The following PRKN variants were observed in gnomAD, a reference collection of about 807,000 sequenced individuals.
PRKN encodes E3 ubiquitin-protein ligase parkin.
A neutral mutation model predicts 59.5 loss-of-function variants in PRKN; 56 were observed. The ratio of observed to expected loss-of-function variants is 0.94; its 90% CI spans 0.76 to 1.18. PRKN has a LOEUF of 1.18. Ranked by LOEUF, PRKN falls within the 50% of genes most tolerant of loss-of-function variation. The pLI, the probability that PRKN is intolerant of heterozygous loss-of-function variation, is 0.00. For synonymous variants in PRKN, 250 were observed against 222.1 expected (o/e 1.13, Z -1.12); for missense variants, 657 against 596.4 (o/e 1.10, Z -1.06).
rs189956405 is a variant in PRKN at position 161,376,846 on chromosome 6, A to G, written c.1167+9948T>C. ...GACACTCCCTGCCTGCAAGTCTCAG[A>G]GCCTGTTCTCCTGGGAACCTATAAC... On this transcript the variant is annotated intron_variant, in intron 10 of 11. Transcript: ENST00000366898. The surrounding 1 kb of genome is among the most constrained non-coding windows in gnomAD (Gnocchi z 7.3). 5.4e-4 allele frequency among the ~76,000 whole-genome samples: 83 copies of G among 152,296 alleles called. 1 individual carries two copies. Among genetic ancestry groups the G allele is most frequent in the Non-Finnish European group, 8.8e-5 (6 of 68,030 alleles).
intron 6 of PRKN, among the ~76,000 whole-genome samples, chr6:161,946,497 C>G (rs1779789611): frequency 6.6e-6 from 1 of 151,040 alleles, no homozygotes; most frequent in African/African-American, 2.4e-5. Context: ...CCATAGAATC[C>G]TCAAATGCAT....
chr6:161,895,457 G>A (rs1777578227), intron 6 of PRKN, among the ~76,000 whole-genome samples: 1 of 151,308 alleles, frequency 6.6e-6, no homozygotes. Context: ...GGTCCCCCTG[G>A]GGAGCCAAAC....
intron 7 of PRKN, among the ~76,000 whole-genome samples, chr6:161,736,687 T>C (rs1224620002): frequency 2.6e-5 from 4 of 152,158 alleles, no homozygotes; most frequent in Non-Finnish European, 4.4e-5. Context: ...GAACCCAAGA[T>C]TCCTAAGACA....
At chr6:162,727,064 CTT>C (rs1266863374) in intron 1 of PRKN, 2 of 152,058 alleles carry the variant, frequency 1.3e-5, no homozygotes, top group African/African-American at 4.8e-5. Flanking sequence ...ACTATTTACT[CTT>C]AATGTTTCTT....
chr6:161,943,863 A>AGCCTCAGGGATTG (rs1779662412), intron 6 of PRKN, among the ~76,000 whole-genome samples: 2 of 148,582 alleles, frequency 1.3e-5, no homozygotes, highest in South Asian at 2.2e-4. Context: ...CTGAGGAAGC[A>AGCCTCAGGGATTG]GCCTGAGGAA....
Position 161,456,610 on chromosome 6 carries a change from C to T in PRKN, c.1084-69733G>A, listed in dbSNP as rs1187966277. ...AATTAGTTCTGTCCCTCTAGAGAAC[C>T]CTGACTAATAATCTCCCACATCACC... On this transcript the variant is annotated intron_variant, in intron 9 of 11. Transcript: ENST00000366898. The surrounding 1 kb of genome is among the most constrained non-coding windows in gnomAD (Gnocchi z 4.8). Among the ~76,000 whole-genome samples the T allele has an allele frequency of 6.8e-6, 1 of 147,508 alleles. No homozygotes were observed. The highest frequency in any genetic ancestry group is 1.5e-5 in the Non-Finnish European group (1 of 66,668).
chr6:161,764,260 C>G (rs1789329876), intron 7 of PRKN, among the ~76,000 whole-genome samples: 2 of 152,124 alleles, frequency 1.3e-5, no homozygotes, highest in Admixed American at 1.3e-4. Context: ...TCTGAAACCC[C>G]CACTGAATTG....
chr6:162,129,350 G>T (rs553423639), intron 4 of PRKN, among the ~76,000 whole-genome samples: 1 of 152,166 alleles, frequency 6.6e-6, no homozygotes, highest in Admixed American at 6.6e-5. Context: ...ATATAAATAA[G>T]TGTTTGCAAC....
rs1266001995 is a variant in PRKN at position 161,708,704 on chromosome 6, T to G, written c.871+77068A>C. Among the ~76,000 whole-genome samples the G allele has an allele frequency of 2.0e-5, 3 of 152,202 alleles. No individual in the cohort carries two copies. In the East Asian group the frequency reaches 5.8e-4, roughly 29 times the overall value. On this transcript the variant is annotated intron_variant, in intron 7 of 11. Coordinates refer to ENST00000366898, the MANE Select transcript of PRKN (RefSeq NM_004562.3). ...TTATCTCATATATCATTAGAGCAACTTTGTGAGGAAAATATTAATTTTATT... is the reference window on the plus strand; with the variant it reads ...TTATCTCATATATCATTAGAGCAACGTTGTGAGGAAAATATTAATTTTATT...
rs1054084903 is a variant in PRKN, at chr6:161,466,452, T to G, written c.1084-79575A>C. Among the ~76,000 whole-genome samples the G allele has an allele frequency of 5.3e-5, 8 of 152,174 alleles. No homozygotes were observed. Among genetic ancestry groups the G allele is most frequent in the Non-Finnish European group, 1.0e-4 (7 of 68,038 alleles). On this transcript the variant is annotated intron_variant, in intron 9 of 11. Coordinates refer to ENST00000366898, the MANE Select transcript of PRKN (RefSeq NM_004562.3). The surrounding 1 kb of genome is among the most constrained non-coding windows in gnomAD (Gnocchi z 5.0). ...AAATCTAGAAAATAGTTTTATCATT[T>G]CTCCTCCAGTCAACTAGTTTCTATT...
chr6:161,812,915 CAT>C (rs757125930), intron 6 of PRKN, among the ~76,000 whole-genome samples: 1 of 152,144 alleles, frequency 6.6e-6, no homozygotes, highest in Non-Finnish European at 1.5e-5. Context: ...GGAGTGAAAA[CAT>C]GTATACACAA....
chr6:162,373,617 T>C (rs1785888196), intron 2 of PRKN, among the ~76,000 whole-genome samples: 1 of 152,190 alleles, frequency 6.6e-6, no homozygotes, highest in Non-Finnish European at 1.5e-5. Flanking sequence ...TGACTGCCTA[T>C]GTAATACTTC....
At chr6:162,385,733 C>G (rs780085318) in intron 2 of PRKN, among the ~76,000 whole-genome samples, 2 of 151,878 alleles carry the variant, frequency 1.3e-5, no homozygotes, top group Non-Finnish European at 2.9e-5. Context: ...CTGCTTGAAT[C>G]CATCCCTGAC....
intron 6 of PRKN, among the ~76,000 whole-genome samples, chr6:161,889,428 G>A (rs186325420): frequency 1.9e-3 from 282 of 152,322 alleles, no homozygotes; most frequent in Middle Eastern, 0.01. Context: ...GAGCAACAGA[G>A]AGGGATGAAC....
intron 8 of PRKN, among the ~76,000 whole-genome samples, chr6:161,553,594 G>T (rs957651771): frequency 1.3e-5 from 2 of 152,134 alleles, no homozygotes; most frequent in Non-Finnish European, 2.9e-5. Context: ...TATTGGGATT[G>T]AAAAATGATA....
At chr6:162,720,130 A>C (rs991056011) in intron 1 of PRKN, among the ~76,000 whole-genome samples, 1 of 152,148 alleles carries the variant, frequency 6.6e-6, no homozygotes, top group Admixed American at 6.5e-5. Context: ...AACTCCAAAA[A>C]TATCTCACAA....
intron 1 of PRKN, among the ~76,000 whole-genome samples, chr6:162,682,106 C>G (rs1187659979): frequency 6.6e-6 from 1 of 152,012 alleles, no homozygotes; most frequent in African/African-American, 2.4e-5. Flanking sequence ...TTTTATTTAT[C>G]TGAATCTACC....
intron 7 of PRKN, among the ~76,000 whole-genome samples, chr6:161,722,225 C>G (rs1787252915): frequency 6.7e-6 from 1 of 149,278 alleles, no homozygotes; most frequent in Non-Finnish European, 1.5e-5. Flanking sequence ...CAGGAAAGCA[C>G]AAATCCCCAT....
intron 1 of PRKN, among the ~76,000 whole-genome samples, chr6:162,553,994 C>G (rs1229841584): frequency 2.0e-5 from 3 of 152,146 alleles, no homozygotes; most frequent in Non-Finnish European, 4.4e-5. Flanking sequence ...GAGGTTAACA[C>G]AGCAAGGGCT....
Sources: gnomAD v4.1 joint callset for allele counts (sites outside exome capture counted in the v4.1 genomes callset) on GRCh38, gnomAD v4.1.1 for gene constraint, Gnocchi (gnomAD v3.1) non-coding constraint, MANE v1.5 for transcripts, NCBI Gene and HGNC (gene_info 2026-07-23, HGNC 2026-07-21) for gene names.